The following RASSF4 variants were observed in gnomAD, a reference collection of about 807,000 sequenced individuals.
The protein encoded by RASSF4 is Ras association domain family member 4, also known as ras association domain-containing protein 4.
A neutral mutation model predicts 41.1 loss-of-function variants in RASSF4; 38 were observed. The observed-to-expected ratio is 0.92, with a 90% CI of 0.71 to 1.21. The LOEUF (loss-of-function observed/expected upper bound fraction) is 1.21, where lower values mean the gene tolerates loss of function less well. Among genes scored for constraint, RASSF4 ranks in the 50% most tolerant of loss-of-function variants. The pLI is 0.00. For missense variants in RASSF4, 414 were observed against 419.4 expected (o/e 0.99, Z 0.11); for synonymous variants, 179 against 163.4 (o/e 1.10, Z -0.73).
chr10:44,987,024 G>C (rs1248006005), intron 6 of RASSF4, among the ~76,000 whole-genome samples: 3 of 152,218 alleles, frequency 2.0e-5, no homozygotes, highest in African/African-American at 7.2e-5. Flanking sequence ...ATCATCTTGA[G>C]AAAAGGCTTC....
rs1185083510 is a variant in RASSF4, at chr10:44,993,595, G to A, written c.*266G>A. The A allele has an allele frequency of 3.9e-6, 2 of 507,160 alleles. No homozygotes were observed. Among genetic ancestry groups the A allele is most frequent in the Non-Finnish European group, 7.2e-6 (2 of 277,996 alleles). The allele number at this position is 507,160 out of a possible 1,614,324, so 31.4% of individuals were successfully genotyped here. Reference sequence around the variant, plus strand: ...GTGTGGCCAGCCCTGTCCACACCATGCCTCTCCTGCACTGGAGAGCAGTGC... The same window carrying A: ...GTGTGGCCAGCCCTGTCCACACCATACCTCTCCTGCACTGGAGAGCAGTGC... On this transcript the variant is annotated 3_prime_UTR_variant, in exon 11 of 11. Transcript: ENST00000340258.
chr10:44,989,690 G>A lies in RASSF4; in HGVS notation c.654G>A (p.Glu218=). Residue 218 remains glutamate, a synonymous_variant, in exon 8 of 11, where the codon GAG becomes GAA. Coordinates refer to ENST00000340258, the MANE Select transcript of RASSF4 (RefSeq NM_032023.4). ...NKFRVEDGPS[E]FALYIVHESG... is the part of the protein sequence containing the mutation. ...TGCAGGTGGAAGATGGCCCCAGTGA[G>A]TTCGCACTCTACATCGTTCACGAGT... The A allele has an allele frequency of 5.0e-6, 8 of 1,614,222 alleles. No individual in the cohort carries two copies. Among genetic ancestry groups the A allele is most frequent in the South Asian group, 1.1e-5 (1 of 91,088 alleles).
Position 44,982,699 on chromosome 10 carries a change from C to T in RASSF4, c.281+36C>T, listed in dbSNP as rs756763731. The T allele has an allele frequency of 1.1e-5, 18 of 1,601,192 alleles. No individual in the cohort carries two copies. The South Asian group carries it at 2.0e-4, about 18-fold the overall frequency. On this transcript the variant is annotated intron_variant, in intron 4 of 10. Transcript: ENST00000340258. Reference sequence around the variant, plus strand: ...GGTGGCTTCTGTGACACCTGCTCAGCCTGAGCTCCCGGGTTGGGGATATCC... The same window carrying T: ...GGTGGCTTCTGTGACACCTGCTCAGTCTGAGCTCCCGGGTTGGGGATATCC...
intron 1 of RASSF4, among the ~76,000 whole-genome samples, chr10:44,967,958 TG>T (rs1181497269): frequency 1.3e-5 from 2 of 152,228 alleles, no homozygotes; most frequent in African/African-American, 4.8e-5. Context: ...TTCTGGGTTC[TG>T]AACAGAGAAC....
chr10:44,970,656 T>C (rs1841113845), intron 2 of RASSF4: 1 of 169,060 alleles, frequency 5.9e-6, no homozygotes, highest in Admixed American at 6.1e-5. Flanking sequence ...CATTCTTGTG[T>C]TGCTATAAAG....
chr10:44,985,609 T>C (rs375877511), intron 6 of RASSF4, among the ~76,000 whole-genome samples: 1 of 152,188 alleles, frequency 6.6e-6, no homozygotes, highest in East Asian at 1.9e-4. Context: ...CAAGCCGAGA[T>C]TTCCAGTTGA....
chr10:44,962,359 T>C (rs1291935702), intron 1 of RASSF4, among the ~76,000 whole-genome samples: 2 of 152,254 alleles, frequency 1.3e-5, no homozygotes, highest in African/African-American at 4.8e-5. Context: ...AAATTGTGTG[T>C]GTGTTTGCAC....
At chr10:44,963,681 T>G (rs1029083730) in intron 1 of RASSF4, among the ~76,000 whole-genome samples, 5 of 152,230 alleles carry the variant, frequency 3.3e-5, no homozygotes, top group African/African-American at 1.2e-4. Flanking sequence ...CCCAGGTCAC[T>G]TTCGTTATGA....
intron 4 of RASSF4, 49 bp downstream of exon 4, chr10:44,982,712 G>A: frequency 1.3e-6 from 2 of 1,590,812 alleles, no homozygotes; most frequent in Non-Finnish European, 1.7e-6. Flanking sequence ...GAGCTCCCGG[G>A]TTGGGGATAT....
chr10:44,967,584 C>T lies in RASSF4; in HGVS notation c.-38-2581C>T, dbSNP rs558864919. ...GAATGTCCCTCAGCGGAGTCACCTC[C>T]GTGGCCATTGGAGACTTTTATATTA... On this transcript the variant is annotated intron_variant, in intron 1 of 10. Coordinates refer to ENST00000340258, the MANE Select transcript of RASSF4 (RefSeq NM_032023.4). 1.7e-4 allele frequency among the ~76,000 whole-genome samples: 26 copies of T among 152,372 alleles called. No individual in the cohort carries two copies. In the South Asian group the frequency reaches 2.1e-3, roughly 12 times the overall value.
At chr10:44,989,416 G>A in intron 7 of RASSF4, 41 bp downstream of exon 7, 1 of 1,403,768 alleles carries the variant, frequency 7.1e-7, no homozygotes, top group Non-Finnish European at 1.0e-6. Flanking sequence ...GGATGCCAGT[G>A]GTCTGCTATT....
In RASSF4 at chr10:44,993,277, C is replaced by T. The variant is rs1420519710; in HGVS notation, c.914C>T (p.Ala305Val). 6.2e-7 allele frequency: 1 copy of T among 1,609,718 alleles called. No homozygotes were observed. The highest frequency in any genetic ancestry group is 2.2e-5 in the East Asian group (1 of 44,860). The change falls in exon 11 of 11, where the codon GCC (alanine) becomes GTC (valine). Residue 305 changes from alanine to valine, a missense_variant. By Grantham distance (64) the Ala-to-Val change is moderately conservative. Transcript: ENST00000340258. ...GCGATGTCTCCCTCCAGGTTCCAAG[C>T]CCTGCGTCTGACGATGCTGCAGCGC... ...EIIKLTMKFQ[A>V]LRLTMLQRLE...
chr10:44,988,313 T>A (rs1841990506), intron 6 of RASSF4, among the ~76,000 whole-genome samples: 1 of 152,208 alleles, frequency 6.6e-6, no homozygotes, highest in Non-Finnish European at 1.5e-5. Context: ...AAATCAATGA[T>A]TGTATGTAAA....
At chr10:44,965,754 C>T (rs2132762550) in intron 1 of RASSF4, among the ~76,000 whole-genome samples, 1 of 152,194 alleles carries the variant, frequency 6.6e-6, no homozygotes, top group East Asian at 1.9e-4. Context: ...CCGTTCTCTG[C>T]CCCAGCTGTT....
chr10:44,966,395 A>G (rs925075707), intron 1 of RASSF4, among the ~76,000 whole-genome samples: 1 of 152,224 alleles, frequency 6.6e-6, no homozygotes, highest in Admixed American at 6.5e-5. Flanking sequence ...CTCACTGTCC[A>G]GTGGACTAGG....
chr10:44,991,548 C>T (rs1035304617), intron 9 of RASSF4, among the ~76,000 whole-genome samples: 14 of 152,192 alleles, frequency 9.2e-5, no homozygotes, highest in African/African-American at 3.1e-4. Context: ...CTAGTGACCC[C>T]GTATCCCTCA....
chr10:44,964,209 C>T (rs969633929), intron 1 of RASSF4, among the ~76,000 whole-genome samples: 17 of 152,380 alleles, frequency 1.1e-4, no homozygotes, highest in Middle Eastern at 3.4e-3. Flanking sequence ...GGGAGAACAA[C>T]TCACTGCTTG....
chr10:44,992,547 C>T (rs373301539), intron 10 of RASSF4, among the ~76,000 whole-genome samples: 79 of 152,318 alleles, frequency 5.2e-4, no homozygotes, highest in African/African-American at 1.5e-3. Flanking sequence ...CGCCAGGGTC[C>T]GGATGCATGA....
intron 9 of RASSF4, 98 bp downstream of exon 9, chr10:44,991,167 A>T: frequency 8.3e-7 from 1 of 1,208,136 alleles, no homozygotes. Context: ...CTGTCAGTTG[A>T]TGTCTCCAGG....
Sources: allele counts gnomAD v4.1 joint callset (sites outside exome capture counted in the v4.1 genomes callset), GRCh38; gene constraint gnomAD v4.1.1; transcripts MANE v1.5; gene names NCBI Gene and HGNC (gene_info 2026-07-23, HGNC 2026-07-21).